The following MTUS2 variants were observed in gnomAD, a reference collection of about 807,000 sequenced individuals.
MTUS2 encodes microtubule associated scaffold protein 2.
In MTUS2, 40 loss-of-function variants were observed where a neutral mutation model predicts 114.1. The observed-to-expected ratio is 0.35, with a 90% CI of 0.27 to 0.46. The LOEUF (loss-of-function observed/expected upper bound fraction) is 0.46, where lower values mean the gene tolerates loss of function less well. Ranked by LOEUF, MTUS2 falls within the 20% of genes least tolerant of loss-of-function variation. MTUS2 has a pLI of 1.00. For synonymous variants in MTUS2, 688 were observed against 672.0 expected (o/e 1.02, Z -0.37); for missense variants, 1,679 against 1,705.4 (o/e 0.98, Z 0.27).
chr13:29,220,775 A>G (rs972736639), intron 5 of MTUS2, among the ~76,000 whole-genome samples: 1 of 152,224 alleles, frequency 6.6e-6, no homozygotes, highest in African/African-American at 2.4e-5. Context: ...AATGTGACAC[A>G]GAAACAAAGA....
At chr13:29,460,407 C>T (rs2138786802) in intron 9 of MTUS2, among the ~76,000 whole-genome samples, 1 of 152,274 alleles carries the variant, frequency 6.6e-6, no homozygotes, top group African/African-American at 2.4e-5. Context: ...CCCAGAGACA[C>T]TGTCCTAAAG....
At chr13:29,146,892 G>A (rs573051726) in intron 5 of MTUS2, among the ~76,000 whole-genome samples, 22 of 152,274 alleles carry the variant, frequency 1.4e-4, no homozygotes, top group African/African-American at 5.3e-4. Context: ...TTTATTAAGT[G>A]TGCAGTACAT....
intron 8 of MTUS2, among the ~76,000 whole-genome samples, chr13:29,392,573 T>C (rs1294717010): frequency 6.6e-6 from 1 of 152,236 alleles, no homozygotes; most frequent in African/African-American, 2.4e-5. Context: ...ATTGTTTACC[T>C]ACAGTAAAAT....
intron 1 of MTUS2, among the ~76,000 whole-genome samples, chr13:28,823,669 C>G (rs772275655): frequency 2.0e-5 from 3 of 152,168 alleles, no homozygotes; most frequent in Non-Finnish European, 2.9e-5. Flanking sequence ...TGTCTGTGCT[C>G]CCACCCTCCA....
chr13:29,059,836 G>A lies in MTUS2; in HGVS notation c.2446+25711G>A, dbSNP rs370544434. The stretch of plus-strand genomic sequence containing the variant: ...TTGTCTGTAAGCTCTAGCATATGTT[G>A]CCCATCTAGCTACCACTGGCAAGGG... On this transcript the variant is annotated intron_variant, in intron 4 of 15. Transcript: ENST00000612955. Among the ~76,000 whole-genome samples, 10 of 152,312 alleles carry A rather than the reference G, an allele frequency of 6.6e-5. No individual in the cohort carries two copies. The East Asian group carries it at 1.4e-3, about 21-fold the overall frequency.
At chr13:29,202,281 C>A (rs964580748) in intron 5 of MTUS2, among the ~76,000 whole-genome samples, 4 of 151,946 alleles carry the variant, frequency 2.6e-5, no homozygotes, top group African/African-American at 9.7e-5. Flanking sequence ...TATCCTTTTT[C>A]CTGCTTGATC....
chr13:29,382,448 C>T (rs950904383), intron 8 of MTUS2, among the ~76,000 whole-genome samples: 1 of 151,986 alleles, frequency 6.6e-6, no homozygotes, highest in Non-Finnish European at 1.5e-5. Flanking sequence ...GGTAAGTTGC[C>T]TAGGATTGGT....
chr13:29,407,425 A>T (rs1874845203), intron 8 of MTUS2, among the ~76,000 whole-genome samples: 1 of 151,108 alleles, frequency 6.6e-6, no homozygotes, highest in South Asian at 2.1e-4. Context: ...ATATTACCAC[A>T]TTATTCTCCA....
intron 4 of MTUS2, among the ~76,000 whole-genome samples, chr13:29,059,350 C>A (rs1170399345): frequency 6.6e-6 from 1 of 151,488 alleles, no homozygotes; most frequent in African/African-American, 2.4e-5. Context: ...TTGCAGGAGC[C>A]CCTTCCAATT....
intron 2 of MTUS2, among the ~76,000 whole-genome samples, chr13:28,879,840 A>G (rs1288944511): frequency 6.6e-6 from 1 of 151,212 alleles, no homozygotes; most frequent in African/African-American, 2.5e-5. Flanking sequence ...TGATTGGCAC[A>G]GTTACATGGC....
intron 5 of MTUS2, among the ~76,000 whole-genome samples, chr13:29,207,619 G>A (rs1215358508): frequency 6.6e-6 from 1 of 151,984 alleles, no homozygotes; most frequent in African/African-American, 2.4e-5. Flanking sequence ...TTTTGCTGAG[G>A]GTTTTAATAT....
intron 2 of MTUS2, among the ~76,000 whole-genome samples, chr13:28,993,863 A>G (rs1334355993): frequency 2.6e-5 from 4 of 151,560 alleles, no homozygotes; most frequent in African/African-American, 7.3e-5. Context: ...ATTTTCATTT[A>G]TGTATATTCT....
chr13:29,420,837 T>C (rs1876042119), intron 8 of MTUS2, among the ~76,000 whole-genome samples: 2 of 152,240 alleles, frequency 1.3e-5, no homozygotes, highest in South Asian at 4.2e-4. Context: ...ATACAGAAAC[T>C]TAAGGAGGCT....
intron 2 of MTUS2, among the ~76,000 whole-genome samples, chr13:28,904,146 G>A (rs1327643433): frequency 2.0e-5 from 3 of 152,160 alleles, no homozygotes; most frequent in Admixed American, 1.3e-4. Context: ...GTTCATTGTA[G>A]ATTCTGGATA....
intron 1 of MTUS2, among the ~76,000 whole-genome samples, chr13:28,837,333 C>T (rs1875160484): frequency 6.6e-6 from 1 of 152,218 alleles, no homozygotes; most frequent in African/African-American, 2.4e-5. Context: ...TTCACGTCCT[C>T]AACTCTTATC....
At chr13:28,912,188 A>G (rs1265387975) in intron 2 of MTUS2, among the ~76,000 whole-genome samples, 1 of 152,046 alleles carries the variant, frequency 6.6e-6, no homozygotes, top group Admixed American at 6.6e-5. Flanking sequence ...ATTTTTGTAT[A>G]TGGTGTAAGG....
At position 29,375,611 on chromosome 13, in the gene MTUS2, A is replaced by G. The variant is rs1363021492; in HGVS notation, c.3117+16138A>G. Among the ~76,000 whole-genome samples, 8 of 3,854 alleles carry G rather than the reference A, an allele frequency of 2.1e-3. 3 individuals are homozygous for G. The highest frequency in any genetic ancestry group is 3.8e-3 in the African/African-American group (8 of 2,106). The allele number at this position is 3,854 out of a possible 152,430, so 2.5% of individuals were successfully genotyped here. A position where few individuals can be genotyped will look rare whatever the true frequency, so the allele number is the denominator to read the frequency against. Reference sequence around the variant, plus strand: ...TACGTATATATATATATATATACGTATATATATATATATATATATATATAT... The same window carrying G: ...TACGTATATATATATATATATACGTGTATATATATATATATATATATATAT... On this transcript the variant is annotated intron_variant, in intron 8 of 15. Coordinates refer to ENST00000612955, the MANE Select transcript of MTUS2 (RefSeq NM_001033602.4).
chr13:28,967,955 A>G (rs944595922), intron 2 of MTUS2, among the ~76,000 whole-genome samples: 2 of 152,242 alleles, frequency 1.3e-5, no homozygotes, highest in African/African-American at 4.8e-5. Flanking sequence ...TTATTTCAAT[A>G]GCGTTTATTT....
chr13:29,180,899 G>C (rs748163855), intron 5 of MTUS2, among the ~76,000 whole-genome samples: 34 of 152,052 alleles, frequency 2.2e-4, no homozygotes, highest in Admixed American at 5.2e-4. Flanking sequence ...CTTCAACATA[G>C]AAATATTCCT....
Sources: gnomAD v4.1 joint callset for allele counts (sites outside exome capture counted in the v4.1 genomes callset) on GRCh38, gnomAD v4.1.1 for gene constraint, MANE v1.5 for transcripts, NCBI Gene and HGNC (gene_info 2026-07-23, HGNC 2026-07-21) for gene names.